The following KCNN2 variants were observed in gnomAD, a reference collection of about 807,000 sequenced individuals.
KCNN2 encodes the protein potassium calcium-activated channel subfamily N member 2.
In KCNN2, 24 loss-of-function variants were observed where a neutral mutation model predicts 55.5. The observed-to-expected ratio is 0.43, with a 90% confidence interval of 0.31 to 0.61. KCNN2 has a LOEUF of 0.61. Among genes scored for constraint, KCNN2 ranks in the 20% least tolerant of loss-of-function variants. The pLI, the probability that KCNN2 is intolerant of heterozygous loss-of-function variation, is 0.08. For missense variants in KCNN2, 754 were observed against 853.6 expected, an observed-to-expected ratio of 0.88 and a Z score of 1.45; for synonymous variants, 431 against 336.1, an observed-to-expected ratio of 1.28 and a Z score of -3.09.
chr5:114,469,751 C>T (rs576812705), intron 4 of KCNN2, among the ~76,000 whole-genome samples: 1 of 152,250 alleles, frequency 6.6e-6, no homozygotes, highest in East Asian at 1.9e-4. Context: ...AATATGTTGG[C>T]AGGAATTTAC....
chr5:114,419,450 A>C (rs1447699798), intron 3 of KCNN2, among the ~76,000 whole-genome samples: 1 of 152,228 alleles, frequency 6.6e-6, no homozygotes, highest in Non-Finnish European at 1.5e-5. Flanking sequence ...AGCATTTAAA[A>C]ATTTTTACTT....
chr5:114,402,855 A>G (rs1257142056), intron 2 of KCNN2, among the ~76,000 whole-genome samples: 2 of 152,206 alleles, frequency 1.3e-5, no homozygotes, highest in Middle Eastern at 3.2e-3. Context: ...AAGGTAAAGG[A>G]TGATGCTGCT....
chr5:114,157,876 T>G (rs767520210), intron 1 of KCNN2, among the ~76,000 whole-genome samples: 6 of 151,872 alleles, frequency 4.0e-5, no homozygotes, highest in Non-Finnish European at 7.4e-5. Flanking sequence ...TAAATTTGTT[T>G]GAGTTCATTG....
intron 2 of KCNN2, among the ~76,000 whole-genome samples, chr5:114,272,729 G>C (rs1755381517): frequency 6.6e-6 from 1 of 151,936 alleles, no homozygotes; most frequent in South Asian, 2.1e-4. Flanking sequence ...GTTAATGTTG[G>C]CTTTTTTGCC....
intron 1 of KCNN2, among the ~76,000 whole-genome samples, chr5:114,132,116 C>A (rs994039640): frequency 3.9e-5 from 6 of 152,114 alleles, no homozygotes; most frequent in African/African-American, 1.2e-4. Flanking sequence ...TTTTGCTGTG[C>A]AGAAGCTCTT....
chr5:114,393,953 G>A (rs1758534670), intron 2 of KCNN2, among the ~76,000 whole-genome samples: 2 of 141,098 alleles, frequency 1.4e-5, no homozygotes, highest in South Asian at 2.2e-4. Context: ...TAATATACAA[G>A]CAATGCTGCA....
At chr5:114,330,508 A>G (rs1430840885) in intron 2 of KCNN2, among the ~76,000 whole-genome samples, 1 of 152,204 alleles carries the variant, frequency 6.6e-6, no homozygotes, top group Non-Finnish European at 1.5e-5. Context: ...AATGGCTTCT[A>G]TGATCATACA....
At chr5:114,294,606 C>T (rs1318847607) in intron 2 of KCNN2, among the ~76,000 whole-genome samples, 1 of 151,174 alleles carries the variant, frequency 6.6e-6, no homozygotes, top group Non-Finnish European at 1.5e-5. Flanking sequence ...GAGTGCTTTA[C>T]TTCCAACTAT....
Position 114,124,479 on chromosome 5 carries a change from A to G in KCNN2, c.-271+67979A>G, listed in dbSNP as rs537092682. Reference sequence around the variant, plus strand: ...AAAAACCATGATCTGCCCCCCCTGGAATTTCCTGTGGGTGGTGAAGTAAGG... The same window carrying G: ...AAAAACCATGATCTGCCCCCCCTGGGATTTCCTGTGGGTGGTGAAGTAAGG... On this transcript the variant is annotated intron_variant, in intron 1 of 10. Coordinates refer to the KCNN2 transcript ENST00000512097. Among the ~76,000 whole-genome samples the G allele has an allele frequency of 3.0e-4, 45 of 152,276 alleles. No homozygotes were observed. The South Asian group carries it at 9.3e-3, about 32-fold the overall frequency.
intron 1 of KCNN2, among the ~76,000 whole-genome samples, chr5:114,176,570 G>A (rs575415434): frequency 1.3e-5 from 2 of 152,174 alleles, no homozygotes; most frequent in South Asian, 2.1e-4. Context: ...TGTTTTTGAT[G>A]ATGCATTAAT....
At chr5:114,084,391 ACTGTTGCTTT>A (rs1281336228) in intron 1 of KCNN2, among the ~76,000 whole-genome samples, 1 of 151,968 alleles carries the variant, frequency 6.6e-6, no homozygotes, top group Non-Finnish European at 1.5e-5. Flanking sequence ...ATGGTATTTC[ACTGTTGCTTT>A]AATATGCAAT....
intron 1 of KCNN2, among the ~76,000 whole-genome samples, chr5:114,199,680 A>G (rs1000348081): frequency 1.1e-4 from 17 of 151,706 alleles, no homozygotes; most frequent in African/African-American, 4.1e-4. Context: ...TCCTTTAGAC[A>G]TTTCCTGTAG....
At chr5:114,082,202 G>A (rs1750841336) in intron 1 of KCNN2, among the ~76,000 whole-genome samples, 1 of 151,930 alleles carries the variant, frequency 6.6e-6, no homozygotes, top group African/African-American at 2.4e-5. Flanking sequence ...GCATGTACCT[G>A]TAGTCCTAGC....
chr5:114,294,467 G>A (rs1388553598), intron 2 of KCNN2, among the ~76,000 whole-genome samples: 1 of 152,172 alleles, frequency 6.6e-6, no homozygotes, highest in African/African-American at 2.4e-5. Context: ...AGTCATTCAG[G>A]AGCAGGTTGT....
At chr5:114,470,524 C>G (rs1351033922) in intron 4 of KCNN2, among the ~76,000 whole-genome samples, 1 of 152,150 alleles carries the variant, frequency 6.6e-6, no homozygotes, top group Non-Finnish European at 1.5e-5. Flanking sequence ...GTTTCATCAG[C>G]CTGCTAGAAC....
intron 1 of KCNN2, among the ~76,000 whole-genome samples, chr5:114,212,481 T>A (rs1275608510): frequency 6.6e-6 from 1 of 152,112 alleles, no homozygotes; most frequent in East Asian, 1.9e-4. Context: ...ATCTTGTGAA[T>A]GTACTAAAAA....
chr5:114,162,681 C>G (rs543028238), intron 1 of KCNN2, among the ~76,000 whole-genome samples: 1 of 152,154 alleles, frequency 6.6e-6, no homozygotes, highest in African/African-American at 2.4e-5. Context: ...CTTTGTTTAC[C>G]TGCTGAAGCC....
intron 2 of KCNN2, among the ~76,000 whole-genome samples, chr5:114,375,614 T>C (rs889054376): frequency 6.6e-6 from 1 of 152,126 alleles, no homozygotes; most frequent in Non-Finnish European, 1.5e-5. Flanking sequence ...GCTTACTGCT[T>C]GAACCTCTTG....
chr5:114,305,656 A>G lies in KCNN2; in HGVS notation c.-184-55289A>G, dbSNP rs114926053. Among the ~76,000 whole-genome samples, 1,033 of 152,262 alleles carry G rather than the reference A, an allele frequency of 6.8e-3. 7 individuals carry two copies. Among genetic ancestry groups the G allele is most frequent in the Non-Finnish European group, 0.01 (686 of 68,030 alleles). Reference sequence around the variant, plus strand: ...ACTGGGGGTGCTGCTATGGCAAGGCACTGCTGGATGTCCACACATACATAC... The same window carrying G: ...ACTGGGGGTGCTGCTATGGCAAGGCGCTGCTGGATGTCCACACATACATAC... On this transcript the variant is annotated intron_variant, in intron 2 of 10. Coordinates refer to the KCNN2 transcript ENST00000512097.
Sources: gnomAD v4.1 joint callset for allele counts (sites outside exome capture counted in the v4.1 genomes callset) on GRCh38, gnomAD v4.1.1 for gene constraint, MANE v1.5 for transcripts, NCBI Gene and HGNC (gene_info 2026-07-23, HGNC 2026-07-21) for gene names.